NEK1: variants seen among roughly 807,000 people sequenced by gnomAD.
The protein encoded by NEK1 is serine/threonine-protein kinase Nek1.
NEK1 carries 137 observed loss-of-function variants against 182.1 expected under a neutral mutation model. That is an observed-to-expected ratio of 0.75 (90% CI 0.65 to 0.87). The LOEUF is 0.87. Ranked by LOEUF, NEK1 falls within the 40% of genes least tolerant of loss-of-function variation. NEK1 has a pLI of 0.00. For synonymous variants in NEK1, 513 were observed against 492.2 expected (o/e 1.04, Z -0.56); for missense variants, 1,391 against 1,494.4 (o/e 0.93, Z 1.14).
chr4:169,427,288 G>A (rs1736563885), intron 29 of NEK1, among the ~76,000 whole-genome samples: 3 of 151,674 alleles, frequency 2.0e-5, no homozygotes, highest in African/African-American at 4.8e-5. Context: ...CACCATGCCC[G>A]GCTAATTTTT....
chr4:169,408,556 T>C (rs1454083410), intron 31 of NEK1, among the ~76,000 whole-genome samples: 3 of 152,212 alleles, frequency 2.0e-5, no homozygotes, highest in African/African-American at 4.8e-5. Flanking sequence ...TTTCTGATAT[T>C]GGTGCACGCA....
intron 27 of NEK1, among the ~76,000 whole-genome samples, chr4:169,451,150 C>G (rs1741671139): frequency 6.6e-6 from 1 of 152,146 alleles, no homozygotes; most frequent in African/African-American, 2.4e-5. Context: ...TTCTTAGATA[C>G]CTACAAAGAG....
At chr4:169,395,752 C>T (rs540442458) in intron 35 of NEK1, among the ~76,000 whole-genome samples, 1 of 152,234 alleles carries the variant, frequency 6.6e-6, no homozygotes, top group African/African-American at 2.4e-5. Flanking sequence ...ATGCAGAGTA[C>T]CCTTTCTCAA....
chr4:169,462,644 CA>C (rs1443681912), intron 27 of NEK1, among the ~76,000 whole-genome samples: 1 of 151,952 alleles, frequency 6.6e-6, no homozygotes, highest in Admixed American at 6.6e-5. Flanking sequence ...AAAAAGAACA[CA>C]AAAGTGCAAC....
At chr4:169,443,405 G>A (rs1210857482) in intron 27 of NEK1, among the ~76,000 whole-genome samples, 2 of 105,454 alleles carry the variant, frequency 1.9e-5, no homozygotes. Context: ...ACAACTGAGA[G>A]CTTCAACAAT....
At chr4:169,433,309 C>T (rs1185046419) in intron 29 of NEK1, among the ~76,000 whole-genome samples, 1 of 152,198 alleles carries the variant, frequency 6.6e-6, no homozygotes, top group Non-Finnish European at 1.5e-5. Flanking sequence ...ATCTGCCCGC[C>T]TCAGTCTCCC....
rs79756946 is a variant in NEK1 at position 169,419,834 on chromosome 4, T to C, written c.3222+4719A>G. Reference sequence around the variant, plus strand: ...AATATTATAGAAGATTGTAATACAATGGTAAATATTTGTCTATCTAAACAC... The same window carrying C: ...AATATTATAGAAGATTGTAATACAACGGTAAATATTTGTCTATCTAAACAC... On this transcript the variant is annotated intron_variant, in intron 31 of 35. Coordinates refer to ENST00000507142, the MANE Select transcript of NEK1 (RefSeq NM_001199397.3). Among the ~76,000 whole-genome samples, 75 of 152,300 alleles carry C rather than the reference T, an allele frequency of 4.9e-4. 2 individuals are homozygous for C. The East Asian group carries it at 0.014, about 27-fold the overall frequency.
chr4:169,518,394 CT>C (rs1330888722), intron 19 of NEK1, among the ~76,000 whole-genome samples: 3 of 138,726 alleles, frequency 2.2e-5, no homozygotes, highest in Non-Finnish European at 4.5e-5. Flanking sequence ...ATTCTTCTCT[CT>C]TTTTTTCTTT....
intron 19 of NEK1, among the ~76,000 whole-genome samples, chr4:169,535,457 GAA>G (rs984520995): frequency 1.4e-5 from 2 of 141,320 alleles, no homozygotes; most frequent in Non-Finnish European, 3.1e-5. Context: ...AACACACAGA[GAA>G]AAAAAAAAAG....
chr4:169,554,884 T>TGA (rs1761949701), intron 18 of NEK1: 1 of 152,236 alleles, frequency 6.6e-6, no homozygotes, highest in Non-Finnish European at 1.5e-5. Context: ...ATACAGAGGT[T>TGA]GTGCATGTGT....
At chr4:169,558,008 G>A (rs934117019) in intron 16 of NEK1, among the ~76,000 whole-genome samples, 1 of 152,060 alleles carries the variant, frequency 6.6e-6, no homozygotes, top group Non-Finnish European at 1.5e-5. Flanking sequence ...AAACTTCAGT[G>A]TAACCCAATA....
intron 5 of NEK1, among the ~76,000 whole-genome samples, chr4:169,596,935 A>G (rs1333660050): frequency 1.3e-5 from 2 of 152,184 alleles, no homozygotes; most frequent in Admixed American, 6.5e-5. Context: ...TGATGGATGA[A>G]CTATACAAAT....
In NEK1 at chr4:169,537,826, G is replaced by C. The variant is rs371575563; in HGVS notation, c.1648C>G (p.Arg550Gly). 4.3e-6 allele frequency: 7 copies of C among 1,612,416 alleles called. No homozygotes were observed. Among genetic ancestry groups the C allele is most frequent in the Non-Finnish European group, 5.9e-6 (7 of 1,178,880 alleles). ...RKREAMQNKA[R>G]AEGHMGILQN... The stretch of plus-strand genomic sequence containing the variant: ...ATTCATACCATATGTCCTTCGGCTC[G>C]AGCTTTATTCTGCATAGCTTCCCGT... Residue 550 changes from arginine to glycine, a missense_variant, in exon 19 of 36, where the codon CGA becomes GGA. Arg to Gly is a moderately radical substitution (Grantham distance 125). Transcript: ENST00000507142.
chr4:169,440,533 A>T (rs1739241522), intron 27 of NEK1, among the ~76,000 whole-genome samples: 1 of 152,206 alleles, frequency 6.6e-6, no homozygotes, highest in Non-Finnish European at 1.5e-5. Context: ...AGAAGTACAA[A>T]ACAGCAAGTA....
At chr4:169,449,939 T>A (rs948679227) in intron 27 of NEK1, among the ~76,000 whole-genome samples, 4 of 152,184 alleles carry the variant, frequency 2.6e-5, no homozygotes, top group African/African-American at 9.6e-5. Context: ...GAAGAAAGAT[T>A]AGAAGAATGG....
intron 27 of NEK1, among the ~76,000 whole-genome samples, chr4:169,460,539 A>G (rs1310620710): frequency 6.6e-6 from 1 of 152,124 alleles, no homozygotes; most frequent in Non-Finnish European, 1.5e-5. Flanking sequence ...GAGCCAAACC[A>G]TATCACTATG....
At chr4:169,566,932 C>G (rs960074596) in intron 12 of NEK1, among the ~76,000 whole-genome samples, 4 of 151,878 alleles carry the variant, frequency 2.6e-5, no homozygotes, top group Non-Finnish European at 5.9e-5. Flanking sequence ...GGCAAGACCC[C>G]GTCTCTACAA....
intron 27 of NEK1, among the ~76,000 whole-genome samples, chr4:169,449,818 G>A (rs2149461714): frequency 6.6e-6 from 1 of 152,368 alleles, no homozygotes. Context: ...AAGCTGGACA[G>A]AGAATGACTT....
chr4:169,560,472 G>C (rs558133516), intron 16 of NEK1, among the ~76,000 whole-genome samples: 2 of 152,108 alleles, frequency 1.3e-5, no homozygotes, highest in Admixed American at 6.5e-5. Context: ...ATATGTTAAC[G>C]TAACCCTGGG....
Sources: allele counts gnomAD v4.1 joint callset (sites outside exome capture counted in the v4.1 genomes callset), GRCh38; gene constraint gnomAD v4.1.1; transcripts MANE v1.5; gene names NCBI Gene and HGNC (gene_info 2026-07-23, HGNC 2026-07-21).